The following COL28A1 variants were observed in gnomAD, a reference collection of about 807,000 sequenced individuals.
COL28A1 encodes the protein collagen alpha-1(XXVIII) chain.
Under a neutral mutation model 150.2 loss-of-function variants are expected in COL28A1, and 161 were observed. The ratio of observed to expected loss-of-function variants is 1.07; its 90% CI spans 0.94 to 1.22. The LOEUF is 1.22. Among genes scored for constraint, COL28A1 ranks in the 50% most tolerant of loss-of-function variants. The pLI is 0.00. For synonymous variants in COL28A1, 552 were observed against 469.7 expected (o/e 1.18, Z -2.26); for missense variants, 1,617 against 1,388.3 (o/e 1.16, Z -2.62).
At chr7:7,423,314 ACTTTTGTGCATG>A (rs1784478871) in intron 25 of COL28A1, among the ~76,000 whole-genome samples, 1 of 152,200 alleles carries the variant, frequency 6.6e-6, no homozygotes, top group South Asian at 2.1e-4. Context: ...TAGTCTTTCC[ACTTTTGTGCATG>A]CTTAATTTTC....
chr7:7,482,258 C>T lies in COL28A1; in HGVS notation c.1165-5078G>A, dbSNP rs185731915. 2.3e-3 allele frequency among the ~76,000 whole-genome samples: 356 copies of T among 152,244 alleles called. 1 individual carries two copies. The highest frequency in any genetic ancestry group is 1.2e-3 in the Non-Finnish European group (80 of 68,014). ...TCACATTGTTGGCTGAGCATGGTGG[C>T]TCAGGCCTGTAATCCCAGCACTTCA... On this transcript the variant is annotated intron_variant, in intron 13 of 34. Coordinates refer to ENST00000399429, the MANE Select transcript of COL28A1 (RefSeq NM_001037763.3).
At chr7:7,388,511 G>C (rs1313104929) in intron 27 of COL28A1, among the ~76,000 whole-genome samples, 2 of 152,116 alleles carry the variant, frequency 1.3e-5, no homozygotes, top group African/African-American at 2.4e-5. Flanking sequence ...ATAATCCCTT[G>C]GGTATATACC....
At chr7:7,412,029 TG>T (rs1365708826) in intron 27 of COL28A1, among the ~76,000 whole-genome samples, 3 of 152,148 alleles carry the variant, frequency 2.0e-5, no homozygotes, top group Non-Finnish European at 4.4e-5. Context: ...TGGCAATGAT[TG>T]TTGACTCTTC....
chr7:7,506,131 CT>C (rs2115117918), intron 10 of COL28A1, 64 bp from the exon 11 acceptor site: 1 of 866,618 alleles, frequency 1.2e-6, no homozygotes, highest in Non-Finnish European at 2.0e-6. Flanking sequence ...ATGAATCATT[CT>C]TTAGGGTCCC....
rs1296909753 is a variant in COL28A1 at position 7,383,707 on chromosome 7, T to TATA, written c.2137-2096_2137-2095insTAT. Among the ~76,000 whole-genome samples the TATA allele has an allele frequency of 2.0e-5, 3 of 147,806 alleles. No individual in the cohort carries two copies. In the Admixed American group the frequency reaches 2.0e-4, roughly 10 times the overall value. ...GTATATATATATATATATATATGTA[T>TATA]ATGAGATTCTAATTTGTTGATCGTC... On this transcript the variant is annotated intron_variant, in intron 27 of 34. Coordinates refer to ENST00000399429, the MANE Select transcript of COL28A1 (RefSeq NM_001037763.3).
At chr7:7,520,205 G>C (rs956967219) in intron 5 of COL28A1, 90 bp from the exon 6 acceptor site, 1 of 644,220 alleles carries the variant, frequency 1.6e-6, no homozygotes. Context: ...TTGTTTCCTA[G>C]AATGAGGGAG....
intron 3 of COL28A1, among the ~76,000 whole-genome samples, chr7:7,528,408 C>G (rs1002645742): frequency 1.9e-4 from 29 of 152,094 alleles, no homozygotes; most frequent in African/African-American, 6.8e-4. Context: ...TTGAGTAATT[C>G]AGAACTAAAA....
the COL28A1 span, among the ~76,000 whole-genome samples, chr7:7,342,907 T>C: frequency 4.6e-5 from 7 of 152,042 alleles, no homozygotes; most frequent in Non-Finnish European, 5.9e-5. Context: ...CTTTTTTTTA[T>C]ATAACTTATT....
rs781669474 is a variant in COL28A1 at position 7,419,861 on chromosome 7, C to G, written c.2067+24G>C. ...TCACTGATGATATCTGACCCTCACA[C>G]AAAGCACTGAGCTGAGGACTCACCT... On this transcript the variant is annotated intron_variant, in intron 26 of 34. Coordinates refer to ENST00000399429, the MANE Select transcript of COL28A1 (RefSeq NM_001037763.3). 3.3e-6 allele frequency: 5 copies of G among 1,512,574 alleles called. No individual in the cohort carries two copies. The South Asian group carries it at 3.9e-5, about 12-fold the overall frequency. 93.7% of individuals were successfully genotyped at this position (1,512,574 alleles called of 1,614,324 possible).
At chr7:7,515,734 T>C (rs749616686) in intron 8 of COL28A1, 80 bp downstream of exon 8, 5 of 779,460 alleles carry the variant, frequency 6.4e-6, no homozygotes, top group Non-Finnish European at 1.1e-5. Flanking sequence ...AAAATAACTT[T>C]TATTAAGTTC....
intron 3 of COL28A1, among the ~76,000 whole-genome samples, chr7:7,530,008 A>G (rs1264435847): frequency 1.4e-3 from 1 of 732 alleles, no homozygotes; most frequent in East Asian, 0.5. Flanking sequence ...TCCCCAAGGA[A>G]AAAAAGGCTA....
intron 6 of COL28A1, 33 bp downstream of exon 6, chr7:7,520,029 G>A (rs370360910): frequency 3.1e-5 from 32 of 1,029,144 alleles, no homozygotes; most frequent in African/African-American, 2.8e-4. Context: ...AAGGAGATAC[G>A]CTGGTTTAAA....
chr7:7,359,153 T>G (rs2128277062), intron 34 of COL28A1, among the ~76,000 whole-genome samples: 1 of 152,302 alleles, frequency 6.6e-6, no homozygotes, highest in East Asian at 1.9e-4. Flanking sequence ...TACACTGGAT[T>G]TGATTTACAA....
intron 27 of COL28A1, among the ~76,000 whole-genome samples, chr7:7,400,424 G>A (rs781055540): frequency 1.1e-4 from 16 of 152,194 alleles, no homozygotes; most frequent in Admixed American, 2.0e-4. Context: ...GGAGCCACGA[G>A]CCAAGGAATA....
At chr7:7,421,867 G>T (rs561259480) in intron 25 of COL28A1, among the ~76,000 whole-genome samples, 1 of 152,004 alleles carries the variant, frequency 6.6e-6, no homozygotes, top group African/African-American at 2.4e-5. Flanking sequence ...TAAGGCTACG[G>T]GTGCTAATTA....
chr7:7,427,557 T>C (rs1233626991), intron 25 of COL28A1, among the ~76,000 whole-genome samples: 1 of 152,166 alleles, frequency 6.6e-6, no homozygotes, highest in Non-Finnish European at 1.5e-5. Flanking sequence ...TGCCTGTTGG[T>C]GGAGTGTACA....
chr7:7,386,056 T>C (rs1174688339), intron 27 of COL28A1, among the ~76,000 whole-genome samples: 1 of 152,182 alleles, frequency 6.6e-6, no homozygotes, highest in Admixed American at 6.5e-5. Context: ...TTGGAAGCTA[T>C]AATTAAATCT....
chr7:7,341,630 C>T, the COL28A1 span, among the ~76,000 whole-genome samples: 38 of 152,096 alleles, frequency 2.5e-4, no homozygotes, highest in African/African-American at 9.2e-4. Context: ...CTTAAACTAT[C>T]CTTTTAAGCA....
chr7:7,374,576 A>G (rs1022631136), intron 31 of COL28A1, among the ~76,000 whole-genome samples: 12 of 152,220 alleles, frequency 7.9e-5, no homozygotes, highest in African/African-American at 2.9e-4. Context: ...ATAAACAACC[A>G]CTTAAAGCAG....
Sources: allele counts gnomAD v4.1 joint callset (sites outside exome capture counted in the v4.1 genomes callset), GRCh38; gene constraint gnomAD v4.1.1; transcripts MANE v1.5; gene names NCBI Gene and HGNC (gene_info 2026-07-23, HGNC 2026-07-21).